HIBCH: variants seen among roughly 807,000 people sequenced by gnomAD.
HIBCH encodes 3-hydroxyisobutyryl-CoA hydrolase.
Under a neutral mutation model 58.2 loss-of-function variants are expected in HIBCH, and 50 were observed. That is an observed-to-expected ratio of 0.86 (90% CI 0.68 to 1.09). HIBCH has a LOEUF of 1.09. Ranked by LOEUF, HIBCH falls within the 50% of genes least tolerant of loss-of-function variation. The probability of loss-of-function intolerance (pLI) is 0.00; values close to 1 mark genes in which losing one functional copy is unlikely to be tolerated. For missense variants in HIBCH, 450 were observed against 449.7 expected (o/e 1.00, Z -0.01); for synonymous variants, 151 against 146.9 (o/e 1.03, Z -0.20).
At chr2:190,296,716 G>A (rs894529628) in intron 3 of HIBCH, 97 bp downstream of exon 3, 64 of 1,132,618 alleles carry the variant, frequency 5.7e-5, no homozygotes, top group African/African-American at 1.5e-5. Flanking sequence ...GCATATCCCA[G>A]AGAATTATGT....
chr2:190,198,167 C>G (rs921310364), intron 1 of HIBCH, among the ~76,000 whole-genome samples: 20 of 152,028 alleles, frequency 1.3e-4, no homozygotes, highest in Admixed American at 4.6e-4. Context: ...ACTGCCTTTC[C>G]TTTCTTACCC....
intron 11 of HIBCH, chr2:190,220,195 G>C (rs1559016611): frequency 6.6e-6 from 1 of 152,178 alleles, no homozygotes; most frequent in Non-Finnish European, 1.5e-5. Flanking sequence ...GTCATTACAT[G>C]CTGTGTACAT....
Position 190,210,612 on chromosome 2 carries a change from T to C in HIBCH, c.1012-1699A>G, listed in dbSNP as rs888115944. 6.6e-6 allele frequency among the ~76,000 whole-genome samples: 1 copy of C among 152,190 alleles called. No homozygotes were observed. Among genetic ancestry groups the C allele is most frequent in the Non-Finnish European group, 1.5e-5 (1 of 68,040 alleles). On this transcript the variant is annotated intron_variant, in intron 12 of 13. Transcript: ENST00000359678. The surrounding 1 kb of genome is among the most constrained non-coding windows in gnomAD (Gnocchi z 5.5). ...TCCCATTTTACTCAGCCAAAGTCCTTAGAGAGACCTTCAAGGCTCTGTATG... is the reference window on the plus strand; with the variant it reads ...TCCCATTTTACTCAGCCAAAGTCCTCAGAGAGACCTTCAAGGCTCTGTATG...
At chr2:190,314,339 ATATATATGTG>A (rs1559068490) in intron 1 of HIBCH, among the ~76,000 whole-genome samples, 2,773 of 48,794 alleles carry the variant, frequency 0.057, 90 homozygotes, top group African/African-American at 0.14. Flanking sequence ...GTATATATAC[ATATATATGTG>A]TATATATACG....
chr2:190,278,791 T>C (rs1213530541), intron 6 of HIBCH, among the ~76,000 whole-genome samples: 3 of 148,828 alleles, frequency 2.0e-5, no homozygotes, highest in Non-Finnish European at 4.4e-5. Flanking sequence ...CACTATCCAA[T>C]TTAATGATTA....
chr2:190,269,071 C>T (rs1281973212), intron 6 of HIBCH, among the ~76,000 whole-genome samples: 2 of 152,122 alleles, frequency 1.3e-5, no homozygotes, highest in African/African-American at 2.4e-5. Context: ...ACACCTTATA[C>T]AAAAATTAAC....
intron 7 of HIBCH, among the ~76,000 whole-genome samples, chr2:190,260,783 A>T (rs1185620768): frequency 1.3e-5 from 2 of 152,148 alleles, no homozygotes; most frequent in Admixed American, 1.3e-4. Context: ...TGACTTATAT[A>T]GGTGATCCAC....
At chr2:190,274,569 G>T (rs995689131) in intron 6 of HIBCH, among the ~76,000 whole-genome samples, 1 of 152,152 alleles carries the variant, frequency 6.6e-6, no homozygotes, top group African/African-American at 2.4e-5. Flanking sequence ...TGTGTGGTGG[G>T]GGAATTTTCC....
At chr2:190,251,489 C>T in intron 8 of HIBCH, 1 of 426,844 alleles carries the variant, frequency 2.3e-6, no homozygotes, top group Non-Finnish European at 4.8e-6. Flanking sequence ...GCAAAACTAC[C>T]TTGAATTGGG....
Position 190,263,017 on chromosome 2 carries a change from T to C in HIBCH, c.439-1783A>G, listed in dbSNP as rs140512317. Among the ~76,000 whole-genome samples the C allele has an allele frequency of 3.9e-3, 593 of 152,288 alleles. 6 individuals are homozygous for C. Among genetic ancestry groups the C allele is most frequent in the Middle Eastern group, 0.017 (5 of 294 alleles). ...TTTCGAATGGGGTATAAAACCCTAA[T>C]GGCAGATTCGTAACTAATTTTTCTA... On this transcript the variant is annotated intron_variant, in intron 6 of 13. Transcript: ENST00000359678.
intron 11 of HIBCH, among the ~76,000 whole-genome samples, chr2:190,218,468 A>G (rs763731910): frequency 2.0e-5 from 3 of 152,196 alleles, no homozygotes; most frequent in Non-Finnish European, 4.4e-5. Flanking sequence ...GTTAGCTCTT[A>G]GGCAAATCAC....
chr2:190,261,392 T>C (rs764573633), intron 6 of HIBCH, among the ~76,000 whole-genome samples, 158 bp from the exon 7 acceptor site: 2 of 152,154 alleles, frequency 1.3e-5, no homozygotes, highest in African/African-American at 2.4e-5. Flanking sequence ...CTCTTTCAAT[T>C]AACTTTGAAT....
intron 11 of HIBCH, among the ~76,000 whole-genome samples, chr2:190,237,776 G>GC (rs1316284936): frequency 6.6e-6 from 1 of 151,958 alleles, no homozygotes; most frequent in Admixed American, 6.6e-5. Flanking sequence ...TAGGTTTTAA[G>GC]CCCCTCATGT....
chr2:190,242,622 T>G (rs186955481), intron 11 of HIBCH, among the ~76,000 whole-genome samples: 1 of 152,246 alleles, frequency 6.6e-6, no homozygotes, highest in East Asian at 1.9e-4. Context: ...GTGTCCTTTT[T>G]GTTGACATGA....
intron 8 of HIBCH, 78 bp downstream of exon 8, chr2:190,252,084 A>T (rs1302965048): frequency 1.5e-6 from 2 of 1,368,730 alleles, no homozygotes; most frequent in Non-Finnish European, 2.1e-6. Context: ...GTGGCTCTCA[A>T]CCACCCATTG....
intron 6 of HIBCH, among the ~76,000 whole-genome samples, chr2:190,285,750 G>A (rs558089094): frequency 3.9e-5 from 6 of 152,068 alleles, no homozygotes; most frequent in South Asian, 2.1e-4. Context: ...CCCAAACTAC[G>A]GCCACTTGGA....
intron 5 of HIBCH, among the ~76,000 whole-genome samples, chr2:190,289,404 C>G (rs1687909582): frequency 6.6e-6 from 1 of 152,058 alleles, no homozygotes; most frequent in South Asian, 2.1e-4. Context: ...CAATCAAATT[C>G]TAACTTAAAA....
chr2:190,304,441 A>T lies in HIBCH; in HGVS notation c.78+6313T>A, dbSNP rs1474189925. ...CAGATCTCTCTTACTTGTCTTATAA[A>T]GCCACCAGTCTCACTCCCATAACCC... On this transcript the variant is annotated intron_variant, in intron 2 of 13. Transcript: ENST00000359678. This position sits in a 1 kb window ranked among gnomAD's most constrained non-coding sequence, Gnocchi z 4.1. 1.3e-5 allele frequency among the ~76,000 whole-genome samples: 2 copies of T among 152,096 alleles called. No homozygotes were observed. The highest frequency in any genetic ancestry group is 2.9e-5 in the Non-Finnish European group (2 of 68,010).
At chr2:190,208,950 G>A in intron 12 of HIBCH, 37 bp from the exon 13 acceptor site, 2 of 1,591,912 alleles carry the variant, frequency 1.3e-6, no homozygotes, top group Non-Finnish European at 1.7e-6. Flanking sequence ...GATAATTTCT[G>A]GGTGTCCTTA....
Sources: gnomAD v4.1 joint callset for allele counts (sites outside exome capture counted in the v4.1 genomes callset) on GRCh38, gnomAD v4.1.1 for gene constraint, Gnocchi (gnomAD v3.1) non-coding constraint, MANE v1.5 for transcripts, NCBI Gene and HGNC (gene_info 2026-07-23, HGNC 2026-07-21) for gene names.